FAM135A: variants seen among roughly 807,000 people sequenced by gnomAD.
FAM135A encodes the protein protein FAM135A.
A neutral mutation model predicts 146.8 loss-of-function variants in FAM135A; 79 were observed. The ratio of observed to expected loss-of-function variants is 0.54; its 90% confidence interval spans 0.45 to 0.65. FAM135A has a LOEUF of 0.65. Among genes scored for constraint, FAM135A ranks in the 30% least tolerant of loss-of-function variants. The pLI is 0.00. For missense variants in FAM135A, 1,623 were observed against 1,758.2 expected (o/e 0.92, Z 1.38); for synonymous variants, 562 against 603.6 (o/e 0.93, Z 1.01).
At chr6:70,419,891 C>T (rs929352728) in intron 2 of FAM135A, among the ~76,000 whole-genome samples, 8 of 152,022 alleles carry the variant, frequency 5.3e-5, no homozygotes, top group Admixed American at 4.6e-4. Flanking sequence ...TTTCTTAAAG[C>T]TAAAGGAAAA....
intron 12 of FAM135A, among the ~76,000 whole-genome samples, chr6:70,519,835 G>T (rs552237326): frequency 1.8e-4 from 28 of 152,098 alleles, no homozygotes; most frequent in African/African-American, 6.0e-4. Context: ...ACCTTATTGT[G>T]GTGGTCTGGA....
At chr6:70,477,570 C>A (rs757995492) in intron 8 of FAM135A, among the ~76,000 whole-genome samples, 4 of 151,996 alleles carry the variant, frequency 2.6e-5, no homozygotes, top group South Asian at 4.2e-4. Flanking sequence ...GCAAAAGAGT[C>A]AGGAGGAGTT....
intron 5 of FAM135A, among the ~76,000 whole-genome samples, chr6:70,474,761 A>G (rs1413937026): frequency 6.6e-6 from 1 of 152,132 alleles, no homozygotes; most frequent in Non-Finnish European, 1.5e-5. Flanking sequence ...TCAAACTTCA[A>G]TGTTCAGAAT....
rs369641283 is a variant in FAM135A at position 70,481,622 on chromosome 6, G to C, written c.670-379G>C. ...CACTCCAGCCTGGGTGACAAACTGA[G>C]ACCCTATATCTAAAAAAAAGAAAAT... On this transcript the variant is annotated intron_variant, in intron 9 of 21. Transcript: ENST00000418814. Among the ~76,000 whole-genome samples the C allele has an allele frequency of 2.7e-5, 4 of 147,920 alleles. No homozygotes were observed. In the East Asian group the frequency reaches 7.9e-4, roughly 29 times the overall value.
At chr6:70,536,514 G>T in intron 19 of FAM135A, 103 bp downstream of exon 19, 1 of 888,396 alleles carries the variant, frequency 1.1e-6, no homozygotes. Flanking sequence ...TCACATACTG[G>T]AAATTTCGTG....
chr6:70,505,792 GTTAA>G (rs1265823826), intron 12 of FAM135A, among the ~76,000 whole-genome samples: 2 of 151,862 alleles, frequency 1.3e-5, no homozygotes, highest in African/African-American at 2.4e-5. Flanking sequence ...TTTTGGTGGT[GTTAA>G]TTTTCTCCTT....
At chr6:70,545,267 T>C (rs896599171) in intron 20 of FAM135A, among the ~76,000 whole-genome samples, 3 of 152,166 alleles carry the variant, frequency 2.0e-5, no homozygotes, top group Non-Finnish European at 4.4e-5. Context: ...ACGAGTTTAT[T>C]AGTATATACC....
At chr6:70,491,582 T>A (rs1785986121) in intron 11 of FAM135A, among the ~76,000 whole-genome samples, 1 of 152,072 alleles carries the variant, frequency 6.6e-6, no homozygotes, top group Admixed American at 6.5e-5. Context: ...CTTGGTCAGC[T>A]ACATTAATGG....
chr6:70,509,326 G>T (rs931900443), intron 12 of FAM135A, among the ~76,000 whole-genome samples: 1 of 152,072 alleles, frequency 6.6e-6, no homozygotes, highest in Non-Finnish European at 1.5e-5. Context: ...GCTTCTATGA[G>T]GTTAGCCTCT....
chr6:70,456,889 A>G (rs1219239204), intron 5 of FAM135A, among the ~76,000 whole-genome samples: 3 of 152,202 alleles, frequency 2.0e-5, no homozygotes, highest in Non-Finnish European at 4.4e-5. Flanking sequence ...GCTTGCTGCT[A>G]CTTGTATTAC....
intron 7 of FAM135A, among the ~76,000 whole-genome samples, chr6:70,476,436 C>T (rs9455126): frequency 0.021 from 3,225 of 152,132 alleles, 107 homozygotes; most frequent in African/African-American, 0.074. Context: ...CTTTAGATGT[C>T]CTCTTCACTA....
intron 20 of FAM135A, among the ~76,000 whole-genome samples, chr6:70,545,301 G>A (rs1016014801): frequency 2.6e-5 from 4 of 151,932 alleles, no homozygotes; most frequent in African/African-American, 9.7e-5. Flanking sequence ...TATCCATTCT[G>A]GGAAAAAACA....
chr6:70,467,043 C>A (rs1398613791), intron 5 of FAM135A, among the ~76,000 whole-genome samples: 1 of 151,986 alleles, frequency 6.6e-6, no homozygotes, highest in African/African-American at 2.4e-5. Context: ...TTTTCTCTTT[C>A]TTGGTTTATT....
At chr6:70,431,394 A>T (rs1244161526) in intron 4 of FAM135A, among the ~76,000 whole-genome samples, 1 of 152,192 alleles carries the variant, frequency 6.6e-6, no homozygotes, top group African/African-American at 2.4e-5. Flanking sequence ...GAGTGGCCTC[A>T]GCTGGGCAGT....
intron 20 of FAM135A, among the ~76,000 whole-genome samples, chr6:70,546,668 A>C (rs529925266): frequency 6.6e-6 from 1 of 152,292 alleles, no homozygotes; most frequent in East Asian, 1.9e-4. Flanking sequence ...TTTTTTGTGA[A>C]CACAATAGAT....
At chr6:70,471,752 A>G (rs1011803571) in intron 5 of FAM135A, among the ~76,000 whole-genome samples, 2 of 152,174 alleles carry the variant, frequency 1.3e-5, no homozygotes, top group Non-Finnish European at 2.9e-5. Flanking sequence ...AAGAAATTCA[A>G]ATTACAGATG....
intron 4 of FAM135A, among the ~76,000 whole-genome samples, chr6:70,447,042 G>A (rs6919794): frequency 0.29 from 43,777 of 152,162 alleles, 8,523 homozygotes; most frequent in African/African-American, 0.55. Context: ...ACTTTGATAT[G>A]CTTCAGGGGC....
intron 11 of FAM135A, among the ~76,000 whole-genome samples, chr6:70,496,363 T>C (rs2128232763): frequency 6.6e-6 from 1 of 152,330 alleles, no homozygotes; most frequent in African/African-American, 2.4e-5. Context: ...TGTTTTTTTC[T>C]GGTAAATTTG....
At chr6:70,499,348 A>T (rs1309055586) in intron 11 of FAM135A, among the ~76,000 whole-genome samples, 2 of 151,950 alleles carry the variant, frequency 1.3e-5, no homozygotes, top group Non-Finnish European at 2.9e-5. Context: ...ATATTCCTCC[A>T]TCCCTTTATT....
Sources: allele counts gnomAD v4.1 joint callset (sites outside exome capture counted in the v4.1 genomes callset), GRCh38; gene constraint gnomAD v4.1.1; transcripts MANE v1.5; gene names NCBI Gene and HGNC (gene_info 2026-07-23, HGNC 2026-07-21).